Variants in XIRP2 observed in about 807,000 individuals in gnomAD.
XIRP2 encodes the protein xin actin-binding repeat-containing protein 2.
Under a neutral mutation model 277.0 loss-of-function variants are expected in XIRP2, and 236 were observed. That is an observed-to-expected ratio of 0.85 (90% CI 0.77 to 0.95). The LOEUF (loss-of-function observed/expected upper bound fraction) is 0.95. Ranked by LOEUF, XIRP2 falls within the 40% of genes least tolerant of loss-of-function variation. XIRP2 has a pLI of 0.00. For missense variants in XIRP2, 4,640 were observed against 4,157.5 expected, an observed-to-expected ratio of 1.12 and a Z score of -3.19; for synonymous variants, 1,490 against 1,416.5, an observed-to-expected ratio of 1.05 and a Z score of -1.17.
intron 3 of XIRP2, among the ~76,000 whole-genome samples, chr2:167,192,719 C>T (rs755518977): frequency 4.6e-5 from 7 of 152,124 alleles, no homozygotes; most frequent in Non-Finnish European, 1.0e-4. Context: ...TTTTCCTGGG[C>T]ACTGCATAGG....
chr2:167,138,875 C>T (rs939864314), intron 3 of XIRP2, among the ~76,000 whole-genome samples: 5 of 151,856 alleles, frequency 3.3e-5, no homozygotes, highest in African/African-American at 4.8e-5. Flanking sequence ...AGACCAGCCC[C>T]GACCAACATG....
rs559077759 is a variant in XIRP2, at chr2:166,914,909, G to A, written c.408+11019G>A. ...AACTTCAGTAAATCATAATGTCTTA[G>A]TTTTAATTCATCTGTCTTGATCTTC... is the stretch of plus-strand genomic sequence containing the variant. On this transcript the variant is annotated intron_variant, in intron 2 of 10. Transcript: ENST00000409195. Among the ~76,000 whole-genome samples the A allele has an allele frequency of 2.6e-5, 4 of 152,118 alleles. 1 individual carries two copies. In the South Asian group the frequency reaches 8.3e-4, roughly 32 times the overall value.
At chr2:167,147,400 G>A (rs1691892486) in intron 3 of XIRP2, among the ~76,000 whole-genome samples, 1 of 152,110 alleles carries the variant, frequency 6.6e-6, no homozygotes, top group Admixed American at 6.6e-5. Flanking sequence ...TGTACCTGGG[G>A]CACTTACCCA....
intron 2 of XIRP2, among the ~76,000 whole-genome samples, chr2:167,091,492 A>G (rs781426177): frequency 2.6e-5 from 4 of 152,168 alleles, no homozygotes; most frequent in Non-Finnish European, 5.9e-5. Context: ...ACTTAATTAT[A>G]GGGACTGCCT....
At chr2:167,018,192 TG>T in intron 2 of XIRP2, among the ~76,000 whole-genome samples, 1 of 152,184 alleles carries the variant, frequency 6.6e-6, no homozygotes, top group Non-Finnish European at 1.5e-5. Flanking sequence ...TTTAAATTTC[TG>T]AATCTTTACA....
At chr2:167,092,481 A>G (rs1047178958) in intron 2 of XIRP2, among the ~76,000 whole-genome samples, 1 of 152,076 alleles carries the variant, frequency 6.6e-6, no homozygotes, top group Non-Finnish European at 1.5e-5. Context: ...CCACCAACTA[A>G]TACACTTTTC....
intron 2 of XIRP2, among the ~76,000 whole-genome samples, chr2:167,105,312 T>A (rs560151245): frequency 1.2e-3 from 181 of 152,118 alleles, no homozygotes; most frequent in Middle Eastern, 3.4e-3. Flanking sequence ...CCACTTCTGT[T>A]CCAGCACCAC....
intron 5 of XIRP2, among the ~76,000 whole-genome samples, chr2:167,233,480 A>T (rs1389382663): frequency 6.6e-6 from 1 of 151,838 alleles, no homozygotes; most frequent in Non-Finnish European, 1.5e-5. Context: ...AATAGTCCAG[A>T]TTAAATATAT....
At chr2:167,237,089 A>G (rs1694922137) in intron 5 of XIRP2, among the ~76,000 whole-genome samples, 1 of 152,156 alleles carries the variant, frequency 6.6e-6, no homozygotes, top group South Asian at 2.1e-4. Context: ...TTACAGTTCT[A>G]TTTGGAAATA....
At chr2:167,188,139 AT>A (rs1182046761) in intron 3 of XIRP2, among the ~76,000 whole-genome samples, 1 of 152,202 alleles carries the variant, frequency 6.6e-6, no homozygotes, top group Non-Finnish European at 1.5e-5. Flanking sequence ...GCCAGTCCTA[AT>A]TATAGTAACT....
chr2:167,169,427 C>G (rs1559005547), intron 3 of XIRP2, among the ~76,000 whole-genome samples: 2 of 152,198 alleles, frequency 1.3e-5, no homozygotes, highest in South Asian at 2.1e-4. Context: ...TTTGCCTTCT[C>G]CAGCACTGGT....
chr2:167,216,062 G>A (rs1419335927), intron 4 of XIRP2, among the ~76,000 whole-genome samples: 1 of 140,630 alleles, frequency 7.1e-6, no homozygotes, highest in African/African-American at 2.7e-5. Flanking sequence ...ATGGTGCTGG[G>A]AAAACTGGCT....
At chr2:167,096,380 G>A (rs930130495) in intron 2 of XIRP2, among the ~76,000 whole-genome samples, 1 of 151,502 alleles carries the variant, frequency 6.6e-6, no homozygotes, top group African/African-American at 2.4e-5. Context: ...TATTTCTGTG[G>A]GATCAGTGGT....
intron 2 of XIRP2, among the ~76,000 whole-genome samples, chr2:167,068,746 C>A (rs1445824779): frequency 6.6e-6 from 1 of 152,128 alleles, no homozygotes; most frequent in African/African-American, 2.4e-5. Flanking sequence ...GCTTGTCCAA[C>A]CCATGGCCCA....
intron 2 of XIRP2, among the ~76,000 whole-genome samples, chr2:166,987,948 T>C (rs1173851350): frequency 6.6e-6 from 1 of 152,114 alleles, no homozygotes; most frequent in Non-Finnish European, 1.5e-5. Context: ...AAAGTACAAT[T>C]CCAAGTAATT....
At chr2:167,083,552 GATATT>G (rs1689814370) in intron 2 of XIRP2, among the ~76,000 whole-genome samples, 2 of 152,176 alleles carry the variant, frequency 1.3e-5, no homozygotes, top group Non-Finnish European at 2.9e-5. Flanking sequence ...CCATTTTCAT[GATATT>G]GATTCTTCCT....
rs201992518 is a variant in XIRP2, at chr2:167,251,121, T to C, written c.9729T>C (p.Asn3243=). 227 of 1,613,294 alleles carry C rather than the reference T, an allele frequency of 1.4e-4. No homozygotes were observed. The highest frequency in any genetic ancestry group is 1.8e-4 in the Non-Finnish European group (207 of 1,179,718). Residue 3243 remains asparagine (N), a synonymous_variant, in exon 9 of 11, where the codon AAT becomes AAC. Transcript: ENST00000409195. ...CACCTACAATCACAATACCAGTAAATATAAATCATGCTGCTAGTGGTTCCT... is the reference window on the plus strand; with the variant it reads ...CACCTACAATCACAATACCAGTAAACATAAATCATGCTGCTAGTGGTTCCT... The part of the protein sequence containing the change: ...DSPPTITIPV[N]INHAASGSFR...
intron 2 of XIRP2, among the ~76,000 whole-genome samples, chr2:166,979,873 A>G (rs1345368413): frequency 6.8e-6 from 1 of 147,220 alleles, no homozygotes; most frequent in Non-Finnish European, 1.5e-5. Context: ...TTATTAGGAT[A>G]ATGTTGGCCT....
At chr2:167,076,796 A>T (rs1689583554) in intron 2 of XIRP2, among the ~76,000 whole-genome samples, 1 of 152,138 alleles carries the variant, frequency 6.6e-6, no homozygotes, top group Non-Finnish European at 1.5e-5. Flanking sequence ...TTAAGGTAGC[A>T]GCTACTATGG....
Sources: allele counts gnomAD v4.1 joint callset (sites outside exome capture counted in the v4.1 genomes callset), GRCh38; gene constraint gnomAD v4.1.1; transcripts MANE v1.5; gene names NCBI Gene and HGNC (gene_info 2026-07-23, HGNC 2026-07-21).